The following GABRB3 variants were observed in gnomAD, a reference collection of about 807,000 sequenced individuals.
GABRB3 encodes the protein gamma-aminobutyric acid receptor subunit beta-3.
GABRB3 carries 14 observed loss-of-function variants against 52.1 expected under a neutral mutation model. That is an observed-to-expected ratio of 0.27 (90% CI 0.18 to 0.42). GABRB3 has a LOEUF of 0.42. GABRB3 is among the 10% of genes least tolerant of loss of function. The probability of loss-of-function intolerance (pLI) is 1.00; values close to 1 mark genes in which losing one functional copy is unlikely to be tolerated. For missense variants in GABRB3, 307 were observed against 609.1 expected (o/e 0.50, Z 5.22); for synonymous variants, 260 against 232.3 (o/e 1.12, Z -1.08).
intron 3 of GABRB3, among the ~76,000 whole-genome samples, chr15:26,745,726 T>C (rs1432285871): frequency 6.6e-6 from 1 of 152,248 alleles, no homozygotes; most frequent in Non-Finnish European, 1.5e-5. Flanking sequence ...TAAAATATAG[T>C]GTAACCTTTA....
At chr15:26,594,853 GA>G (rs1357681665) in intron 4 of GABRB3, among the ~76,000 whole-genome samples, 1 of 152,162 alleles carries the variant, frequency 6.6e-6, no homozygotes, top group Non-Finnish European at 1.5e-5. Flanking sequence ...GCCAAGAGCT[GA>G]AACAAACGAA....
intron 3 of GABRB3, among the ~76,000 whole-genome samples, chr15:26,737,546 G>C (rs1037112151): frequency 1.3e-5 from 2 of 152,088 alleles, no homozygotes; most frequent in African/African-American, 4.8e-5. Flanking sequence ...TAATAAAGAA[G>C]TACACAGAAT....
chr15:26,634,879 TAG>T (rs1379900460), intron 3 of GABRB3, among the ~76,000 whole-genome samples: 1 of 141,570 alleles, frequency 7.1e-6, no homozygotes, highest in Non-Finnish European at 1.6e-5. Flanking sequence ...CACATATTTA[TAG>T]AGAGAAAAAA....
At chr15:26,631,050 GT>G (rs1390928563) in intron 3 of GABRB3, among the ~76,000 whole-genome samples, 1 of 152,240 alleles carries the variant, frequency 6.6e-6, no homozygotes, top group Non-Finnish European at 1.5e-5. Context: ...TGGAGCCACA[GT>G]GCCGCTGGGA....
Position 26,585,268 on chromosome 15 carries a change from G to GA in GABRB3, c.462-1855dup, listed in dbSNP as rs1489622183. ...AGAATGCTTTCTCCTGAGATCCCTAGAGTCACCTTCAATCCCCAGCTGTCC... is the reference window on the plus strand; with the variant it reads ...AGAATGCTTTCTCCTGAGATCCCTAGAAGTCACCTTCAATCCCCAGCTGTCC... On this transcript the variant is annotated intron_variant, in intron 4 of 8. Coordinates refer to ENST00000311550, the MANE Select transcript of GABRB3 (RefSeq NM_000814.6). 2.6e-5 allele frequency among the ~76,000 whole-genome samples: 4 copies of GA among 152,282 alleles called. No individual in the cohort carries two copies. In the East Asian group the frequency reaches 7.7e-4, roughly 29 times the overall value.
At chr15:26,642,862 T>C (rs1893242501) in intron 3 of GABRB3, among the ~76,000 whole-genome samples, 1 of 152,174 alleles carries the variant, frequency 6.6e-6, no homozygotes, top group African/African-American at 2.4e-5. Flanking sequence ...TCACCAAGTT[T>C]ATAAAAGAAA....
chr15:26,756,243 C>T (rs1360735177), intron 3 of GABRB3, among the ~76,000 whole-genome samples: 2 of 151,714 alleles, frequency 1.3e-5, no homozygotes, highest in African/African-American at 2.4e-5. Flanking sequence ...ATGATCTTAT[C>T]GACTCCAGAT....
intron 7 of GABRB3, among the ~76,000 whole-genome samples, chr15:26,563,110 A>G (rs1890047617): frequency 6.6e-6 from 1 of 152,202 alleles, no homozygotes; most frequent in Non-Finnish European, 1.5e-5. Context: ...GGATTTGGGA[A>G]GACCGAGCGC....
At chr15:26,770,098 C>T (rs1891106456) in intron 3 of GABRB3, among the ~76,000 whole-genome samples, 1 of 152,156 alleles carries the variant, frequency 6.6e-6, no homozygotes, top group Non-Finnish European at 1.5e-5. Flanking sequence ...CCTTTAGGAA[C>T]AGGTGAAATA....
At chr15:26,599,648 G>C (rs1891516749) in intron 4 of GABRB3, among the ~76,000 whole-genome samples, 1 of 152,226 alleles carries the variant, frequency 6.6e-6, no homozygotes, top group Non-Finnish European at 1.5e-5. Context: ...CCTGTGCAAG[G>C]TTGTCATGAG....
rs1890198565 is a variant in GABRB3, at chr15:26,566,905, A to G, written c.835+676T>C. 3.3e-5 allele frequency among the ~76,000 whole-genome samples: 5 copies of G among 152,250 alleles called. 1 individual carries two copies. Among genetic ancestry groups the G allele is most frequent in the Admixed American group, 3.3e-4 (5 of 15,290 alleles). Reference sequence around the variant, plus strand: ...AACCCTATCCAAAGGGATGGATTGCAGATTGCATCAGCTCTGTACTTACAT... The same window carrying G: ...AACCCTATCCAAAGGGATGGATTGCGGATTGCATCAGCTCTGTACTTACAT... On this transcript the variant is annotated intron_variant, in intron 7 of 8. Coordinates refer to ENST00000311550, the MANE Select transcript of GABRB3 (RefSeq NM_000814.6).
intron 3 of GABRB3, among the ~76,000 whole-genome samples, chr15:26,755,111 C>G (rs1402778303): frequency 6.6e-6 from 1 of 150,456 alleles, no homozygotes; most frequent in Non-Finnish European, 1.5e-5. Flanking sequence ...TCAAGCGATT[C>G]TCCTGCCTCA....
chr15:26,738,779 C>T (rs1004269816), intron 3 of GABRB3, among the ~76,000 whole-genome samples: 42 of 152,288 alleles, frequency 2.8e-4, no homozygotes, highest in Admixed American at 1.7e-3. Context: ...AGGGCTTACT[C>T]TCTGTCCACA....
chr15:26,579,760 C>T (rs1373851616), intron 6 of GABRB3, among the ~76,000 whole-genome samples: 2 of 152,162 alleles, frequency 1.3e-5, no homozygotes, highest in Admixed American at 1.3e-4. Context: ...GACGCCATCT[C>T]AATCTTGGGG....
intron 3 of GABRB3, among the ~76,000 whole-genome samples, chr15:26,631,918 G>C (rs74004624): frequency 0.016 from 2,511 of 152,262 alleles, 80 homozygotes; most frequent in African/African-American, 0.058. Context: ...ACCATACTTA[G>C]TGTTAGGGAT....
At chr15:26,764,748 T>C (rs1452382063) in intron 3 of GABRB3, among the ~76,000 whole-genome samples, 1 of 152,094 alleles carries the variant, frequency 6.6e-6, no homozygotes, top group Non-Finnish European at 1.5e-5. Flanking sequence ...CACCAGAAAC[T>C]TGCAAACAAA....
At chr15:26,722,829 G>A (rs943816222) in intron 3 of GABRB3, among the ~76,000 whole-genome samples, 2 of 152,116 alleles carry the variant, frequency 1.3e-5, no homozygotes, top group Admixed American at 6.5e-5. Flanking sequence ...CTGGCTCCCC[G>A]TGCCATAGCC....
chr15:26,769,155 T>TA (rs1566836541), intron 3 of GABRB3, among the ~76,000 whole-genome samples: 1 of 152,180 alleles, frequency 6.6e-6, no homozygotes, highest in Admixed American at 6.5e-5. Flanking sequence ...GCAATCACAC[T>TA]AAAAAAACTC....
intron 3 of GABRB3, among the ~76,000 whole-genome samples, chr15:26,741,686 G>GCAGTC (rs1405404941): frequency 6.6e-6 from 1 of 152,144 alleles, no homozygotes; most frequent in African/African-American, 2.4e-5. Flanking sequence ...CTAGCTCACT[G>GCAGTC]CAGTCTCAAA....
Sources: allele counts gnomAD v4.1 joint callset (sites outside exome capture counted in the v4.1 genomes callset), GRCh38; gene constraint gnomAD v4.1.1; transcripts MANE v1.5; gene names NCBI Gene and HGNC (gene_info 2026-07-23, HGNC 2026-07-21).